The following UBE2D4 variants were observed in gnomAD, a reference collection of about 807,000 sequenced individuals.
UBE2D4 encodes ubiquitin-conjugating enzyme E2 D4.
Under a neutral mutation model 23.0 loss-of-function variants are expected in UBE2D4, and 17 were observed. The observed-to-expected ratio is 0.74, with a 90% CI of 0.51 to 1.11. The LOEUF (loss-of-function observed/expected upper bound fraction) is 1.11. UBE2D4 is among the 50% of genes least tolerant of loss of function. UBE2D4 has a pLI of 0.00. For missense variants in UBE2D4, 139 were observed against 181.8 expected, an observed-to-expected ratio of 0.76 and a Z score of 1.35; for synonymous variants, 61 against 69.4, an observed-to-expected ratio of 0.88 and a Z score of 0.60.
At chr7:43,929,601 C>A (rs567430363) in intron 1 of UBE2D4, among the ~76,000 whole-genome samples, 5 of 152,152 alleles carry the variant, frequency 3.3e-5, no homozygotes, top group Non-Finnish European at 7.4e-5. Context: ...CAGAGTGAGA[C>A]CCTGTCTTAA....
intron 6 of UBE2D4, 53 bp from the exon 7 acceptor site, chr7:43,952,597 G>A (rs2096005344): frequency 6.7e-7 from 1 of 1,501,994 alleles, no homozygotes; most frequent in Non-Finnish European, 9.3e-7. Context: ...GCACATTGAA[G>A]GGAAGTGACC....
intron 6 of UBE2D4, chr7:43,952,179 CA>C: frequency 6.3e-6 from 1 of 158,346 alleles, no homozygotes; most frequent in Non-Finnish European, 1.4e-5. Context: ...GGCAAGCAAT[CA>C]AAAAAGCCAG....
chr7:43,934,203 C>A lies in UBE2D4; in HGVS notation c.25-4228C>A, dbSNP rs1304984488. Among the ~76,000 whole-genome samples, 3 of 151,880 alleles carry A rather than the reference C, an allele frequency of 2.0e-5. No homozygotes were observed. The East Asian group carries it at 5.8e-4, about 29-fold the overall frequency. On this transcript the variant is annotated intron_variant, in intron 1 of 6. Transcript: ENST00000222402. Reference sequence around the variant, plus strand: ...TACCCTCAAGTTGGTGAGACTGGGTCATTTTTTTTTTTCTGGAATACGTGC... The same window carrying A: ...TACCCTCAAGTTGGTGAGACTGGGTAATTTTTTTTTTTCTGGAATACGTGC...
chr7:43,935,191 T>C (rs151182406), intron 1 of UBE2D4, among the ~76,000 whole-genome samples: 1 of 152,340 alleles, frequency 6.6e-6, no homozygotes, highest in Non-Finnish European at 1.5e-5. Flanking sequence ...GGGGAAAATA[T>C]CAGTTACGCT....
At position 43,953,359 on chromosome 7, in the gene UBE2D4, T is replaced by C. The variant is rs1420833225; in HGVS notation, c.*664T>C. On this transcript the variant is annotated 3_prime_UTR_variant, in exon 7 of 7. Transcript: ENST00000222402. ...AAAGCACATAACACCCCATAAGAGA[T>C]GATTATGTTTTTAGAAGCAAGAGCA... is the stretch of plus-strand genomic sequence containing the variant. The C allele has an allele frequency of 5.7e-6, 2 of 351,660 alleles. No homozygotes were observed. The highest frequency in any genetic ancestry group is 1.1e-5 in the Non-Finnish European group (2 of 178,276). The allele number at this position is 351,660 out of a possible 1,614,324, so 21.8% of individuals were successfully genotyped here. A position where few individuals can be genotyped will look rare whatever the true frequency, so the allele number is the denominator to read the frequency against.
At chr7:43,949,808 A>AGAG (rs1293942603) in intron 5 of UBE2D4, among the ~76,000 whole-genome samples, 1 of 152,150 alleles carries the variant, frequency 6.6e-6, no homozygotes, top group Non-Finnish European at 1.5e-5. Context: ...GTGCTGGCAC[A>AGAG]GAGGAGGATG....
At position 43,952,843 on chromosome 7, in the gene UBE2D4, C is replaced by G; in HGVS notation, c.*148C>G. Reference sequence around the variant, plus strand: ...GGTCACCCACTCTCTCCAGCTGCAGCATGTTGGTGCCATTTTCAGCAATTA... The same window carrying G: ...GGTCACCCACTCTCTCCAGCTGCAGGATGTTGGTGCCATTTTCAGCAATTA... On this transcript the variant is annotated 3_prime_UTR_variant, in exon 7 of 7. Transcript: ENST00000222402. 1 of 659,376 alleles carries G rather than the reference C, an allele frequency of 1.5e-6. No individual in the cohort carries two copies. The highest frequency in any genetic ancestry group is 1.7e-5 in the South Asian group (1 of 59,514). 40.8% of individuals were successfully genotyped at this position (659,376 alleles called of 1,614,324 possible). A position where few individuals can be genotyped will look rare whatever the true frequency, so the allele number is the denominator to read the frequency against.
At chr7:43,941,193 T>C (rs1275308042) in intron 2 of UBE2D4, 1 of 152,176 alleles carries the variant, frequency 6.6e-6, no homozygotes, top group Admixed American at 6.5e-5. Flanking sequence ...TATGAATCCA[T>C]ATGAGACAGA....
At chr7:43,940,575 T>C (rs528680024) in intron 2 of UBE2D4, among the ~76,000 whole-genome samples, 49 of 152,290 alleles carry the variant, frequency 3.2e-4, no homozygotes, top group African/African-American at 1.0e-3. Context: ...CAGACAGCAC[T>C]GGAAGCTAGC....
chr7:43,948,875 A>G, intron 5 of UBE2D4, 138 bp downstream of exon 5: 1 of 677,948 alleles, frequency 1.5e-6, no homozygotes, highest in Non-Finnish European at 2.6e-6. Context: ...TGTGCCCTTA[A>G]GTGGATATCC....
At chr7:43,935,431 TTCA>T (rs1397586861) in intron 1 of UBE2D4, among the ~76,000 whole-genome samples, 1 of 152,198 alleles carries the variant, frequency 6.6e-6, no homozygotes, top group Non-Finnish European at 1.5e-5. Context: ...TAATTCTAAA[TTCA>T]TCATGCTAAA....
chr7:43,937,625 T>C (rs542045911), intron 1 of UBE2D4, among the ~76,000 whole-genome samples: 105 of 152,368 alleles, frequency 6.9e-4, no homozygotes, highest in Non-Finnish European at 1.2e-3. Context: ...TGCTGGCTTC[T>C]GTGATGTTAA....
chr7:43,948,874 A>T (rs2095994866), intron 5 of UBE2D4, 137 bp downstream of exon 5: 1 of 680,610 alleles, frequency 1.5e-6, no homozygotes, highest in African/African-American at 1.8e-5. Flanking sequence ...CTGTGCCCTT[A>T]AGTGGATATC....
intron 1 of UBE2D4, among the ~76,000 whole-genome samples, chr7:43,932,799 A>T (rs1380520106): frequency 1.3e-5 from 2 of 151,676 alleles, no homozygotes; most frequent in Non-Finnish European, 2.9e-5. Context: ...TCTCAAAAAA[A>T]TAATAAAAAT....
chr7:43,928,969 A>T (rs1034321917), intron 1 of UBE2D4, among the ~76,000 whole-genome samples: 7 of 152,216 alleles, frequency 4.6e-5, no homozygotes, highest in Non-Finnish European at 7.3e-5. Context: ...AATTGAAATC[A>T]TAAGGCCAGG....
intron 5 of UBE2D4, 170 bp downstream of exon 5, chr7:43,948,907 CCAG>C (rs956390385): frequency 2.1e-4 from 121 of 578,260 alleles, no homozygotes; most frequent in African/African-American, 1.6e-3. Flanking sequence ...CGAGGCAGCA[CCAG>C]CAGAACTTTG....
rs1326415770 is a variant in UBE2D4, at chr7:43,926,481, C to T, written c.-52C>T. ...TGGTGGCGGCTGAGCCGGCAGCGGG[C>T]CGCCTCAGGCAGCCCCGGCCGGGCC... is the stretch of plus-strand genomic sequence containing the variant. On this transcript the variant is annotated 5_prime_UTR_variant, in exon 1 of 7. Transcript: ENST00000222402. 2.2e-5 allele frequency: 32 copies of T among 1,433,300 alleles called. No homozygotes were observed. The highest frequency in any genetic ancestry group is 1.9e-4 in the Middle Eastern group (1 of 5,240). 88.8% of individuals were successfully genotyped at this position (1,433,300 alleles called of 1,614,324 possible).
At chr7:43,946,063 T>G (rs1391686188) in intron 4 of UBE2D4, 3 of 152,312 alleles carry the variant, frequency 2.0e-5, no homozygotes, top group African/African-American at 4.8e-5. Flanking sequence ...ATTACAGGTG[T>G]GACCACTGTG....
intron 2 of UBE2D4, chr7:43,942,404 A>G (rs902516536): frequency 1.9e-4 from 59 of 312,416 alleles, no homozygotes; most frequent in Admixed American, 8.3e-4. Flanking sequence ...TGGGCATTCA[A>G]ATAAGTCAGT....
Sources: gnomAD v4.1 joint callset for allele counts (sites outside exome capture counted in the v4.1 genomes callset) on GRCh38, gnomAD v4.1.1 for gene constraint, MANE v1.5 for transcripts, NCBI Gene and HGNC (gene_info 2026-07-23, HGNC 2026-07-21) for gene names.